SOX5: variants seen among roughly 807,000 people sequenced by gnomAD.
The protein encoded by SOX5 is transcription factor SOX-5.
SOX5 carries 9 observed loss-of-function variants against 92.0 expected under a neutral mutation model. The ratio of observed to expected loss-of-function variants is 0.10; its 90% CI spans 0.06 to 0.17. The LOEUF is 0.17. Ranked by LOEUF, SOX5 falls within the 10% of genes least tolerant of loss-of-function variation. SOX5 has a pLI of 1.00. For synonymous variants in SOX5, 344 were observed against 336.3 expected, an observed-to-expected ratio of 1.02 and a Z score of -0.25; for missense variants, 642 against 944.5, an observed-to-expected ratio of 0.68 and a Z score of 4.20.
intron 1 of SOX5, among the ~76,000 whole-genome samples, chr12:24,484,283 C>G (rs1946297524): frequency 6.6e-6 from 1 of 152,198 alleles, no homozygotes; most frequent in Non-Finnish European, 1.5e-5. Flanking sequence ...TTTCTAAAGA[C>G]TTTCCCCTCT....
intron 1 of SOX5, among the ~76,000 whole-genome samples, chr12:24,478,745 C>T (rs1346598266): frequency 6.6e-6 from 1 of 152,188 alleles, no homozygotes; most frequent in Non-Finnish European, 1.5e-5. Flanking sequence ...GTCTTTTATT[C>T]CATCCATTTT....
At chr12:23,773,753 T>C (rs1407019788) in intron 3 of SOX5, among the ~76,000 whole-genome samples, 1 of 151,926 alleles carries the variant, frequency 6.6e-6, no homozygotes, top group Non-Finnish European at 1.5e-5. Context: ...TATTTGCAGG[T>C]TTTGGAGATA....
intron 2 of SOX5, among the ~76,000 whole-genome samples, chr12:24,278,837 A>AC (rs1944815283): frequency 2.0e-5 from 3 of 151,550 alleles, no homozygotes; most frequent in African/African-American, 4.8e-5. Flanking sequence ...ATGTATTTCC[A>AC]TAAAAAATTG....
intron 6 of SOX5, among the ~76,000 whole-genome samples, chr12:23,719,322 A>T (rs2092681218): frequency 6.6e-6 from 1 of 152,208 alleles, no homozygotes; most frequent in African/African-American, 2.4e-5. Context: ...GCTACATGAG[A>T]GATAAATAAA....
chr12:24,320,866 A>C (rs1950147772), intron 2 of SOX5, among the ~76,000 whole-genome samples: 1 of 146,294 alleles, frequency 6.8e-6, no homozygotes, highest in South Asian at 2.1e-4. Flanking sequence ...CTCTGTCTCA[A>C]AAAAAAATAA....
Position 23,546,422 on chromosome 12 carries a change from T to C in SOX5, c.1491A>G (p.Glu497=). 1 of 1,572,546 alleles carries C rather than the reference T, an allele frequency of 6.4e-7. No homozygotes were observed. Among genetic ancestry groups the C allele is most frequent in the Non-Finnish European group, 8.7e-7 (1 of 1,147,800 alleles). ...GAGTCAGACTCTCCAGTGTTGTTTT[T>C]TCCTTTAAAAAAATTATAATGAGAG... ...LGLNNCRTEK[E]KTTLESLTQQ... Residue 497 remains glutamate (E), a splice_region_variant and synonymous_variant, in exon 12 of 15, where the codon GAA becomes GAG. Transcript: ENST00000451604.
At chr12:23,904,738 T>C (rs1185211671) in intron 1 of SOX5, among the ~76,000 whole-genome samples, 1 of 132,542 alleles carries the variant, frequency 7.5e-6, no homozygotes, top group African/African-American at 2.6e-5. Context: ...TATGTTTACC[T>C]TGCCACATGT....
At chr12:24,522,907 T>C (rs1435025493) in intron 1 of SOX5, among the ~76,000 whole-genome samples, 4 of 151,978 alleles carry the variant, frequency 2.6e-5, no homozygotes, top group Non-Finnish European at 5.9e-5. Context: ...CTAGAAGCCT[T>C]AGCCAGAGCA....
chr12:23,995,615 T>C (rs1950961581), intron 4 of SOX5, among the ~76,000 whole-genome samples: 1 of 152,118 alleles, frequency 6.6e-6, no homozygotes, highest in Non-Finnish European at 1.5e-5. Context: ...GGAGAATTGC[T>C]TGAGACCATG....
At chr12:24,057,902 C>T (rs1298638044) in intron 4 of SOX5, among the ~76,000 whole-genome samples, 5 of 152,130 alleles carry the variant, frequency 3.3e-5, no homozygotes, top group Non-Finnish European at 5.9e-5. Flanking sequence ...TTAACAGCAA[C>T]GTTAATTTCT....
At chr12:23,640,547 A>C (rs1331102140) in intron 8 of SOX5, among the ~76,000 whole-genome samples, 1 of 152,216 alleles carries the variant, frequency 6.6e-6, no homozygotes, top group African/African-American at 2.4e-5. Flanking sequence ...TATGGCACGC[A>C]GTAATCAAAG....
intron 4 of SOX5, among the ~76,000 whole-genome samples, chr12:24,097,537 G>GT (rs34336040): frequency 0.035 from 5,165 of 146,608 alleles, 150 homozygotes; most frequent in Middle Eastern, 0.12. Flanking sequence ...TCCATTTGAA[G>GT]TTTTTTTTTT....
At chr12:23,926,410 G>A (rs895379861) in intron 1 of SOX5, among the ~76,000 whole-genome samples, 11 of 152,038 alleles carry the variant, frequency 7.2e-5, no homozygotes, top group South Asian at 2.1e-4. Flanking sequence ...TGGGGAAAGC[G>A]AGTATTATAA....
At chr12:24,055,531 G>A (rs1200998327) in intron 4 of SOX5, among the ~76,000 whole-genome samples, 3 of 152,146 alleles carry the variant, frequency 2.0e-5, no homozygotes, top group African/African-American at 4.8e-5. Context: ...TTTCTGCATC[G>A]TGTTTTCCCC....
chr12:24,118,980 T>C (rs1033075115), intron 4 of SOX5, among the ~76,000 whole-genome samples: 3 of 152,170 alleles, frequency 2.0e-5, no homozygotes, highest in Non-Finnish European at 2.9e-5. Flanking sequence ...ATTAATGATA[T>C]ATCTTTAGAA....
At chr12:24,186,420 A>T (rs1276564395) in intron 4 of SOX5, among the ~76,000 whole-genome samples, 2 of 152,172 alleles carry the variant, frequency 1.3e-5, no homozygotes, top group African/African-American at 2.4e-5. Flanking sequence ...TGTTTAACTT[A>T]TTCTACAAGG....
chr12:23,650,033 C>T (rs541202429), intron 7 of SOX5, among the ~76,000 whole-genome samples: 1 of 152,036 alleles, frequency 6.6e-6, no homozygotes, highest in Admixed American at 6.6e-5. Context: ...TTTGTTTTGC[C>T]TCCTTGACAA....
chr12:24,340,119 T>C (rs1351752960), intron 2 of SOX5, among the ~76,000 whole-genome samples: 1 of 152,246 alleles, frequency 6.6e-6, no homozygotes, highest in Non-Finnish European at 1.5e-5. Flanking sequence ...CCCAAGAGCA[T>C]CTTCAACAAC....
intron 2 of SOX5, among the ~76,000 whole-genome samples, chr12:23,887,336 T>A (rs889786693): frequency 2.0e-5 from 3 of 152,056 alleles, no homozygotes; most frequent in Non-Finnish European, 2.9e-5. Flanking sequence ...AGAGCCAAAT[T>A]GAAAGAAAGA....
Sources: gnomAD v4.1 joint callset for allele counts (sites outside exome capture counted in the v4.1 genomes callset) on GRCh38, gnomAD v4.1.1 for gene constraint, MANE v1.5 for transcripts, NCBI Gene and HGNC (gene_info 2026-07-23, HGNC 2026-07-21) for gene names.